Variants in DNAJC3 observed in about 807,000 individuals in gnomAD.
The protein encoded by DNAJC3 is DnaJ heat shock protein family (Hsp40) member C3.
DNAJC3 carries 38 observed loss-of-function variants against 68.6 expected under a neutral mutation model. The observed-to-expected ratio is 0.55, with a 90% CI of 0.43 to 0.73. The LOEUF (loss-of-function observed/expected upper bound fraction) is 0.73. Among genes scored for constraint, DNAJC3 ranks in the 30% least tolerant of loss-of-function variants. DNAJC3 has a pLI of 0.00. For synonymous variants in DNAJC3, 203 were observed against 204.0 expected, an observed-to-expected ratio of 1.00 and a Z score of 0.04; for missense variants, 526 against 591.9, an observed-to-expected ratio of 0.89 and a Z score of 1.16.
At chr13:95,781,809 GTT>G (rs895313472) in intron 9 of DNAJC3, among the ~76,000 whole-genome samples, 7 of 142,358 alleles carry the variant, frequency 4.9e-5, no homozygotes, top group Admixed American at 7.0e-5. Flanking sequence ...GTGTGTGTGT[GTT>G]TTTTTTTTTT....
At chr13:95,721,404 T>G (rs1471313256) in intron 2 of DNAJC3, among the ~76,000 whole-genome samples, 1 of 152,196 alleles carries the variant, frequency 6.6e-6, no homozygotes, top group Non-Finnish European at 1.5e-5. Flanking sequence ...TGACCCTTCT[T>G]TTTATTTCTT....
chr13:95,712,534 G>A (rs1217516512), intron 2 of DNAJC3, among the ~76,000 whole-genome samples: 1 of 151,830 alleles, frequency 6.6e-6, no homozygotes, highest in African/African-American at 2.4e-5. Context: ...GCACCACCAC[G>A]TCCAGCTAAT....
intron 1 of DNAJC3, among the ~76,000 whole-genome samples, chr13:95,696,302 C>T (rs767525260): frequency 2.0e-4 from 30 of 152,158 alleles, no homozygotes; most frequent in Non-Finnish European, 4.0e-4. Context: ...TCATCCCTCT[C>T]GGGCGTGTTA....
Position 95,755,756 on chromosome 13 carries a change from C to CAAAAAAAA in DNAJC3, c.394-1866_394-1859dup, listed in dbSNP as rs56659621. Reference sequence around the variant, plus strand: ...TAGGTGACAGAGCGAGACGCCGTCTCAAAAAAAAAAAAAAAAAAAAAAAAA... The same window carrying CAAAAAAAA: ...TAGGTGACAGAGCGAGACGCCGTCTCAAAAAAAAAAAAAAAAAAAAAAAAAAAAAAAAA... On this transcript the variant is annotated intron_variant, in intron 4 of 11. Transcript: ENST00000602402. Among the ~76,000 whole-genome samples the CAAAAAAAA allele has an allele frequency of 7.0e-3, 106 of 15,076 alleles. 2 individuals carry two copies. The highest frequency in any genetic ancestry group is 0.012 in the Non-Finnish European group (75 of 6,246). 9.9% of individuals were successfully genotyped at this position (15,076 alleles called of 152,430 possible).
chr13:95,690,812 C>T lies in DNAJC3; in HGVS notation c.82+13475C>T, dbSNP rs865818495. Among the ~76,000 whole-genome samples, 142 of 137,528 alleles carry T rather than the reference C, an allele frequency of 1.0e-3. 4 individuals carry two copies. The highest frequency in any genetic ancestry group is 2.5e-3 in the South Asian group (11 of 4,314). 90.2% of individuals were successfully genotyped at this position (137,528 alleles called of 152,430 possible). ...GGGGCTGACCCCCCCACCTCCCTCC[C>T]GGACGGGGCAGCTGGCCGGGCAGAG... On this transcript the variant is annotated intron_variant, in intron 1 of 11. Coordinates refer to ENST00000602402, the MANE Select transcript of DNAJC3 (RefSeq NM_006260.5).
At chr13:95,758,113 A>C (rs549718101) in intron 5 of DNAJC3, among the ~76,000 whole-genome samples, 2 of 152,314 alleles carry the variant, frequency 1.3e-5, no homozygotes, top group South Asian at 4.1e-4. Flanking sequence ...GATGAAAAAG[A>C]TGGTTGGAGT....
intron 11 of DNAJC3, among the ~76,000 whole-genome samples, chr13:95,789,805 A>G (rs981199173): frequency 2.0e-5 from 3 of 152,148 alleles, no homozygotes; most frequent in Admixed American, 2.0e-4. Flanking sequence ...CCTTGGCAGC[A>G]TCTATTTTTT....
intron 1 of DNAJC3, among the ~76,000 whole-genome samples, chr13:95,679,908 T>C (rs371604546): frequency 2.0e-5 from 3 of 152,260 alleles, no homozygotes; most frequent in East Asian, 3.9e-4. Context: ...AGAGATAACC[T>C]AGTGTTTTTC....
chr13:95,787,357 A>G (rs1484135738), intron 11 of DNAJC3, among the ~76,000 whole-genome samples: 1 of 152,186 alleles, frequency 6.6e-6, no homozygotes, highest in Non-Finnish European at 1.5e-5. Context: ...TGGAAAGACT[A>G]TCAAATGTGG....
chr13:95,729,728 G>A (rs888493363), intron 4 of DNAJC3, among the ~76,000 whole-genome samples: 2 of 151,926 alleles, frequency 1.3e-5, no homozygotes, highest in African/African-American at 4.8e-5. Context: ...TCTCATTATT[G>A]TTTTGATTTG....
intron 1 of DNAJC3, among the ~76,000 whole-genome samples, chr13:95,699,740 A>G (rs1318996307): frequency 1.3e-5 from 2 of 152,240 alleles, no homozygotes; most frequent in African/African-American, 4.8e-5. Context: ...ATTTAGTGAA[A>G]TAAAGATACA....
At chr13:95,733,972 A>C (rs1406135714) in intron 4 of DNAJC3, among the ~76,000 whole-genome samples, 3 of 152,150 alleles carry the variant, frequency 2.0e-5, no homozygotes, top group Non-Finnish European at 4.4e-5. Context: ...TATTACTGAT[A>C]TGTGAGATTT....
chr13:95,718,211 G>A (rs1285858835), intron 2 of DNAJC3, among the ~76,000 whole-genome samples: 1 of 152,152 alleles, frequency 6.6e-6, no homozygotes, highest in East Asian at 1.9e-4. Context: ...TGGATAATAG[G>A]AAAAATACTT....
At chr13:95,758,401 C>T (rs965063541) in intron 5 of DNAJC3, among the ~76,000 whole-genome samples, 11 of 150,144 alleles carry the variant, frequency 7.3e-5, no homozygotes, top group African/African-American at 2.0e-4. Context: ...TTTGGGAGGT[C>T]GAGGTGGGTG....
At chr13:95,734,955 G>T in intron 4 of DNAJC3, among the ~76,000 whole-genome samples, 1 of 142,364 alleles carries the variant, frequency 7.0e-6, no homozygotes, top group African/African-American at 2.6e-5. Flanking sequence ...ATCTCCCGAT[G>T]CTATCCCTCC....
chr13:95,728,635 C>T (rs1881604400), intron 4 of DNAJC3, among the ~76,000 whole-genome samples: 2 of 152,148 alleles, frequency 1.3e-5, no homozygotes, highest in Non-Finnish European at 2.9e-5. Flanking sequence ...TGATCCTCTT[C>T]ACAGGATGTT....
At chr13:95,788,610 C>T (rs1883671723) in intron 11 of DNAJC3, among the ~76,000 whole-genome samples, 2 of 152,104 alleles carry the variant, frequency 1.3e-5, no homozygotes, top group Admixed American at 1.3e-4. Context: ...TAAATCTTGG[C>T]TATAGTTTTT....
intron 9 of DNAJC3, among the ~76,000 whole-genome samples, chr13:95,782,166 G>T (rs754196945): frequency 2.0e-5 from 3 of 152,128 alleles, no homozygotes; most frequent in African/African-American, 7.2e-5. Flanking sequence ...GTATTCCATG[G>T]TGTATATGTG....
At chr13:95,715,708 G>A (rs976455856) in intron 2 of DNAJC3, among the ~76,000 whole-genome samples, 2 of 151,228 alleles carry the variant, frequency 1.3e-5, no homozygotes, top group African/African-American at 4.8e-5. Context: ...GGATGGTCTC[G>A]ATCTCTTGAC....
Sources: allele counts gnomAD v4.1 joint callset (sites outside exome capture counted in the v4.1 genomes callset), GRCh38; gene constraint gnomAD v4.1.1; transcripts MANE v1.5; gene names NCBI Gene and HGNC (gene_info 2026-07-23, HGNC 2026-07-21).